Variants in CNBD1 observed in about 807,000 individuals in gnomAD.
CNBD1 encodes the protein cyclic nucleotide binding domain containing 1.
A neutral mutation model predicts 54.4 loss-of-function variants in CNBD1; 71 were observed. The ratio of observed to expected loss-of-function variants is 1.30; its 90% CI spans 1.08 to 1.59. The LOEUF (loss-of-function observed/expected upper bound fraction) is 1.59. CNBD1 is among the 40% of genes most tolerant of loss of function. CNBD1 has a pLI of 0.00. For synonymous variants in CNBD1, 182 were observed against 170.7 expected, an observed-to-expected ratio of 1.07 and a Z score of -0.51; for missense variants, 659 against 518.0, an observed-to-expected ratio of 1.27 and a Z score of -2.64.
chr8:87,150,848 G>A (rs946582743), intron 4 of CNBD1, among the ~76,000 whole-genome samples: 2 of 152,188 alleles, frequency 1.3e-5, no homozygotes, highest in Admixed American at 6.5e-5. Flanking sequence ...GCTCTTGGGT[G>A]CTTGAGAAGG....
chr8:86,884,678 T>G (rs1808655125), intron 1 of CNBD1, among the ~76,000 whole-genome samples: 1 of 152,202 alleles, frequency 6.6e-6, no homozygotes, highest in Non-Finnish European at 1.5e-5. Context: ...TCCAGCTTCT[T>G]GTTCAGTACT....
At chr8:87,303,094 T>C (rs926826074) in intron 8 of CNBD1, among the ~76,000 whole-genome samples, 17 of 152,056 alleles carry the variant, frequency 1.1e-4, no homozygotes, top group Non-Finnish European at 1.9e-4. Context: ...GCTATCCCCA[T>C]CAAGCTACCA....
intron 5 of CNBD1, among the ~76,000 whole-genome samples, chr8:87,229,216 C>T (rs28600947): frequency 0.011 from 1,683 of 152,282 alleles, 38 homozygotes; most frequent in African/African-American, 0.038. Flanking sequence ...TCTTCTGCAT[C>T]GCTCAGGCTG....
rs1051108171 is a variant in CNBD1 at position 87,300,387 on chromosome 8, G to A, written c.1042+13716G>A. 3.3e-5 allele frequency among the ~76,000 whole-genome samples: 5 copies of A among 152,074 alleles called. No homozygotes were observed. In the East Asian group the frequency reaches 7.8e-4, roughly 24 times the overall value. ...CAAAAGTCTGGAGAGTCACCAGAAC[G>A]AGTACCTGTTACTACTGATTTTAAA... On this transcript the variant is annotated intron_variant, in intron 8 of 10. Transcript: ENST00000518476.
chr8:87,425,862 C>A lies in CNBD1; in HGVS notation c.214-2684C>A, dbSNP rs567406803. 3.3e-5 allele frequency among the ~76,000 whole-genome samples: 5 copies of A among 152,088 alleles called. No individual in the cohort carries two copies. The East Asian group carries it at 7.7e-4, about 23-fold the overall frequency. On this transcript the variant is annotated intron_variant, in intron 2 of 7. Coordinates refer to the CNBD1 transcript ENST00000521593. ...TGGGCTCCACCCAGTTCGAGCTTCCCAGCTGCTTTGTTTACCTAATCAAGC... is the reference window on the plus strand; with the variant it reads ...TGGGCTCCACCCAGTTCGAGCTTCCAAGCTGCTTTGTTTACCTAATCAAGC...
At chr8:87,411,153 A>T (rs1807735028) in intron 2 of CNBD1, among the ~76,000 whole-genome samples, 1 of 151,736 alleles carries the variant, frequency 6.6e-6, no homozygotes, top group African/African-American at 2.4e-5. Context: ...TTCATATTTC[A>T]TTTCATTATT....
chr8:87,326,059 A>G (rs1277244970), intron 8 of CNBD1, among the ~76,000 whole-genome samples: 1 of 123,294 alleles, frequency 8.1e-6, no homozygotes, highest in African/African-American at 3.1e-5. Flanking sequence ...TCCTTCACTT[A>G]TGAAGCTTAG....
chr8:87,340,167 G>A (rs1563560203), intron 8 of CNBD1, among the ~76,000 whole-genome samples: 2 of 152,118 alleles, frequency 1.3e-5, no homozygotes, highest in South Asian at 2.1e-4. Flanking sequence ...TATATTTGTT[G>A]ATGGCACTTT....
At chr8:87,088,113 T>C (rs1673419139) in intron 4 of CNBD1, among the ~76,000 whole-genome samples, 1 of 152,160 alleles carries the variant, frequency 6.6e-6, no homozygotes, top group South Asian at 2.1e-4. Flanking sequence ...TGTATGTGTG[T>C]CTGCTTATGA....
At chr8:86,924,136 C>T (rs1266346168) in intron 3 of CNBD1, among the ~76,000 whole-genome samples, 5 of 152,160 alleles carry the variant, frequency 3.3e-5, no homozygotes, top group Non-Finnish European at 5.9e-5. Context: ...TTAGATGCCC[C>T]ATTCATTACT....
intron 4 of CNBD1, among the ~76,000 whole-genome samples, chr8:87,123,862 T>G (rs1191771634): frequency 6.6e-6 from 1 of 151,614 alleles, no homozygotes; most frequent in Non-Finnish European, 1.5e-5. Context: ...TGTGAACAAT[T>G]AATAACTAAT....
chr8:87,164,948 G>A (rs983229636), intron 4 of CNBD1, among the ~76,000 whole-genome samples: 2 of 151,092 alleles, frequency 1.3e-5, no homozygotes, highest in African/African-American at 4.9e-5. Context: ...TACTTTTGCT[G>A]CATCTTATAA....
chr8:87,352,402 C>T (rs1191998049), intron 9 of CNBD1, among the ~76,000 whole-genome samples: 2 of 147,982 alleles, frequency 1.4e-5, no homozygotes, highest in South Asian at 2.1e-4. Context: ...ATCGCTTGAA[C>T]CTGGAAGGCG....
chr8:87,312,100 GA>G (rs1264885065), intron 8 of CNBD1, among the ~76,000 whole-genome samples: 2 of 152,120 alleles, frequency 1.3e-5, no homozygotes, highest in South Asian at 4.1e-4. Context: ...TCTAAAATGA[GA>G]GTTGAAATTA....
At chr8:86,901,153 GGAT>G (rs917822411) in intron 2 of CNBD1, among the ~76,000 whole-genome samples, 6 of 152,096 alleles carry the variant, frequency 3.9e-5, no homozygotes, top group Non-Finnish European at 7.4e-5. Context: ...TGTAATAAAA[GGAT>G]GACATACATT....
Position 87,228,509 on chromosome 8 carries a change from G to T in CNBD1, c.578-8410G>T, listed in dbSNP as rs1814568314. Among the ~76,000 whole-genome samples, 2 of 149,756 alleles carry T rather than the reference G, an allele frequency of 1.3e-5. 1 individual carries two copies. Among genetic ancestry groups the T allele is most frequent in the African/African-American group, 5.1e-5 (2 of 39,188 alleles). On this transcript the variant is annotated intron_variant, in intron 5 of 10. Transcript: ENST00000518476. ...GTTGGAGTACCCTGCGGTGTGAGGT[G>T]TCAGTGTGCCCCTGCTGGGGGGTGC... is the stretch of plus-strand genomic sequence containing the variant.
intron 8 of CNBD1, among the ~76,000 whole-genome samples, chr8:87,337,538 C>G (rs111274345): frequency 2.6e-5 from 4 of 152,232 alleles, no homozygotes; most frequent in South Asian, 4.1e-4. Context: ...TAGGCCAATT[C>G]TAGCTGAGTG....
intron 2 of CNBD1, among the ~76,000 whole-genome samples, chr8:87,426,305 G>A (rs1281579708): frequency 6.6e-6 from 1 of 152,194 alleles, no homozygotes. Flanking sequence ...GGGAGCTGTA[G>A]ACCGGAGCTG....
At chr8:87,042,912 A>G (rs543180247) in intron 4 of CNBD1, among the ~76,000 whole-genome samples, 23 of 152,170 alleles carry the variant, frequency 1.5e-4, no homozygotes, top group Non-Finnish European at 3.2e-4. Context: ...ATGCACATAA[A>G]TACACTTATG....
Sources: allele counts gnomAD v4.1 joint callset (sites outside exome capture counted in the v4.1 genomes callset), GRCh38; gene constraint gnomAD v4.1.1; transcripts MANE v1.5; gene names NCBI Gene and HGNC (gene_info 2026-07-23, HGNC 2026-07-21).